XPNPEP3: variants seen among roughly 807,000 people sequenced by gnomAD.
XPNPEP3 encodes xaa-Pro aminopeptidase 3.
In XPNPEP3, 41 loss-of-function variants were observed where a neutral mutation model predicts 60.0. That is an observed-to-expected ratio of 0.68 (90% CI 0.53 to 0.89). The LOEUF (loss-of-function observed/expected upper bound fraction) is 0.89. Ranked by LOEUF, XPNPEP3 falls within the 40% of genes least tolerant of loss-of-function variation. The pLI is 0.00. For synonymous variants in XPNPEP3, 212 were observed against 223.2 expected (o/e 0.95, Z 0.45); for missense variants, 598 against 638.9 (o/e 0.94, Z 0.69).
intron 4 of XPNPEP3, among the ~76,000 whole-genome samples, chr22:40,898,227 T>A (rs1235916831): frequency 6.2e-4 from 12 of 19,292 alleles, no homozygotes; most frequent in Admixed American, 3.5e-3. Context: ...TTTGACCCAT[T>A]TTTTTTTTTT....
intron 4 of XPNPEP3, among the ~76,000 whole-genome samples, chr22:40,905,781 A>G (rs538899320): frequency 1.3e-5 from 2 of 152,064 alleles, no homozygotes; most frequent in South Asian, 4.2e-4. Context: ...ACCTCATACT[A>G]TGAAATGTTT....
chr22:40,917,120 A>C (rs1161132491), intron 7 of XPNPEP3: 1 of 152,542 alleles, frequency 6.6e-6, no homozygotes, highest in Admixed American at 6.6e-5. Context: ...GACCAAGCAT[A>C]GTGGCATGCA....
At chr22:40,888,474 G>A (rs1165517744) in intron 4 of XPNPEP3, 2 of 410,394 alleles carry the variant, frequency 4.9e-6, no homozygotes, top group Non-Finnish European at 9.9e-6. Context: ...GAACTCCTGA[G>A]CTCAAGCAGT....
chr22:40,895,459 C>A (rs1168453004), intron 4 of XPNPEP3, among the ~76,000 whole-genome samples: 1 of 151,744 alleles, frequency 6.6e-6, no homozygotes, highest in Non-Finnish European at 1.5e-5. Context: ...CTCAGCCTCC[C>A]AAGTAGCTGG....
chr22:40,908,307 C>T (rs2058164093), intron 5 of XPNPEP3, among the ~76,000 whole-genome samples: 1 of 150,772 alleles, frequency 6.6e-6, no homozygotes, highest in African/African-American at 2.4e-5. Context: ...ATCACGTGAG[C>T]CCAGGAGTTT....
chr22:40,862,924 C>T (rs1036008016), intron 1 of XPNPEP3: 2 of 229,252 alleles, frequency 8.7e-6, no homozygotes, highest in Non-Finnish European at 1.4e-5. Context: ...TAAGATAATG[C>T]GATATGTGCT....
At chr22:40,918,837 AT>A (rs1045367332) in intron 7 of XPNPEP3, among the ~76,000 whole-genome samples, 16 of 145,092 alleles carry the variant, frequency 1.1e-4, no homozygotes, top group Admixed American at 4.8e-4. Context: ...CCTTATAATA[AT>A]TTTTTTTTCT....
At chr22:40,916,272 A>G (rs2058195862) in intron 7 of XPNPEP3, among the ~76,000 whole-genome samples, 1 of 151,970 alleles carries the variant, frequency 6.6e-6, no homozygotes, top group African/African-American at 2.4e-5. Context: ...AGCTTGGGCG[A>G]CAGAGTGAGA....
chr22:40,869,209 C>T (rs574467006), intron 2 of XPNPEP3, 94 bp downstream of exon 2: 109 of 1,140,116 alleles, frequency 9.6e-5, no homozygotes, highest in Non-Finnish European at 1.4e-4. Flanking sequence ...TGGATCTGTG[C>T]TGTTCCATAA....
At chr22:40,861,732 A>G in intron 1 of XPNPEP3, 1 of 1,613,978 alleles carries the variant, frequency 6.2e-7, no homozygotes, top group South Asian at 1.1e-5. Context: ...ATGGAATGTG[A>G]AGCCGTACTC....
chr22:40,890,521 AGAGT>A (rs2058084598), intron 4 of XPNPEP3, among the ~76,000 whole-genome samples: 1 of 152,244 alleles, frequency 6.6e-6, no homozygotes, highest in African/African-American at 2.4e-5. Context: ...CCTGGGCAAC[AGAGT>A]GAGACCACAT....
At chr22:40,870,144 G>A (rs2057998132) in intron 2 of XPNPEP3, 3 of 465,944 alleles carry the variant, frequency 6.4e-6, no homozygotes, top group South Asian at 4.7e-5. Context: ...TGTAAGGTAA[G>A]CTTAATAGCA....
At chr22:40,908,593 C>A (rs1009823774) in intron 5 of XPNPEP3, among the ~76,000 whole-genome samples, 1 of 152,174 alleles carries the variant, frequency 6.6e-6, no homozygotes, top group African/African-American at 2.4e-5. Flanking sequence ...TATCCTGGAA[C>A]GTAGTGAAAT....
chr22:40,916,355 A>G (rs552128119), intron 7 of XPNPEP3, among the ~76,000 whole-genome samples: 1 of 152,268 alleles, frequency 6.6e-6, no homozygotes, highest in East Asian at 1.9e-4. Context: ...AAGACTCTAA[A>G]GTAGCTGTTA....
intron 1 of XPNPEP3, chr22:40,861,145 C>T: frequency 1.2e-6 from 2 of 1,614,044 alleles, no homozygotes; most frequent in Non-Finnish European, 1.7e-6. Context: ...TTGACTCCTG[C>T]TGAGAAAATA....
intron 1 of XPNPEP3, among the ~76,000 whole-genome samples, chr22:40,867,161 G>T (rs1158119103): frequency 6.6e-6 from 1 of 152,194 alleles, no homozygotes; most frequent in Admixed American, 6.5e-5. Flanking sequence ...ATTTTTAACT[G>T]TCACGTGAGG....
intron 1 of XPNPEP3, chr22:40,861,608 G>T: frequency 6.2e-7 from 1 of 1,612,844 alleles, no homozygotes; most frequent in East Asian, 2.2e-5. Flanking sequence ...CTCTGTTTCT[G>T]TTTCCATAGG....
chr22:40,872,931 G>A (rs2058012150), intron 2 of XPNPEP3, among the ~76,000 whole-genome samples: 1 of 152,036 alleles, frequency 6.6e-6, no homozygotes, highest in East Asian at 1.9e-4. Context: ...TCCTAATGAA[G>A]CATTATTTCT....
chr22:40,861,511 A>T, intron 1 of XPNPEP3: 1 of 1,614,170 alleles, frequency 6.2e-7, no homozygotes, highest in Non-Finnish European at 8.5e-7. Flanking sequence ...TGCCCCAATG[A>T]ACCCTGTGAT....
Sources: gnomAD v4.1 joint callset for allele counts (sites outside exome capture counted in the v4.1 genomes callset) on GRCh38, gnomAD v4.1.1 for gene constraint, MANE v1.5 for transcripts, NCBI Gene and HGNC (gene_info 2026-07-23, HGNC 2026-07-21) for gene names.